The following CD80 variants were observed in gnomAD, a reference collection of about 807,000 sequenced individuals.
CD80 encodes CD80 molecule.
A neutral mutation model predicts 27.1 loss-of-function variants in CD80; 13 were observed. That is an observed-to-expected ratio of 0.48 (90% CI 0.31 to 0.76). CD80 has a LOEUF of 0.76. CD80 is among the 30% of genes least tolerant of loss of function. CD80 has a pLI of 0.04. For missense variants in CD80, 277 were observed against 347.9 expected (o/e 0.80, Z 1.62); for synonymous variants, 125 against 125.5 (o/e 1.00, Z 0.03).
At chr3:119,542,958 C>A (rs892934342) in intron 3 of CD80, among the ~76,000 whole-genome samples, 1 of 152,192 alleles carries the variant, frequency 6.6e-6, no homozygotes, top group African/African-American at 2.4e-5. Flanking sequence ...GCTGGCACCA[C>A]CCAGATCAAT....
chr3:119,547,818 C>T (rs546524169), intron 2 of CD80, among the ~76,000 whole-genome samples: 11 of 152,198 alleles, frequency 7.2e-5, no homozygotes, highest in African/African-American at 2.6e-4. Flanking sequence ...AAGCAAATTG[C>T]CTTATTTTTC....
rs960224261 is a variant in CD80 at position 119,544,456 on chromosome 3, C to T, written c.418+94G>A. 29 of 1,069,312 alleles carry T rather than the reference C, an allele frequency of 2.7e-5. No homozygotes were observed. The African/African-American group carries it at 4.3e-4, about 16-fold the overall frequency. The allele number at this position is 1,069,312 out of a possible 1,614,324, so 66.2% of individuals were successfully genotyped here. A position where few individuals can be genotyped will look rare whatever the true frequency, so the allele number is the denominator to read the frequency against. On this transcript the variant is annotated intron_variant, in intron 3 of 6. Coordinates refer to ENST00000264246, the MANE Select transcript of CD80 (RefSeq NM_005191.4). ...AAGAAATGAAGTGAGATACATCCCT[C>T]TTTGGTAAAATTTTCACCTAAATCA... is the stretch of plus-strand genomic sequence containing the variant.
intron 3 of CD80, among the ~76,000 whole-genome samples, chr3:119,543,887 CTTTTTTTT>C (rs71619749): frequency 2.0e-5 from 2 of 99,130 alleles, no homozygotes; most frequent in African/African-American, 4.4e-5. Flanking sequence ...CTCCATTGTT[CTTTTTTTT>C]TTTTTTTTTT....
intron 4 of CD80, among the ~76,000 whole-genome samples, chr3:119,534,949 T>C (rs1276393335): frequency 6.6e-6 from 1 of 152,150 alleles, no homozygotes; most frequent in African/African-American, 2.4e-5. Context: ...CTCCACACTT[T>C]GGGAGGCTGA....
chr3:119,559,334 T>C (rs1441815339), intron 1 of CD80, 106 bp downstream of exon 1: 1 of 152,190 alleles, frequency 6.6e-6, no homozygotes, highest in Non-Finnish European at 1.5e-5. Flanking sequence ...CAAGCCTGGA[T>C]CCAGGAGGTG....
At chr3:119,537,892 A>G (rs754113583) in intron 3 of CD80, among the ~76,000 whole-genome samples, 1 of 152,244 alleles carries the variant, frequency 6.6e-6, no homozygotes, top group African/African-American at 2.4e-5. Context: ...TCCAAAGACT[A>G]ACTTTGATTT....
chr3:119,535,525 G>A (rs929270833), intron 4 of CD80, among the ~76,000 whole-genome samples: 1 of 152,200 alleles, frequency 6.6e-6, no homozygotes, highest in Non-Finnish European at 1.5e-5. Context: ...CACCTTGTAA[G>A]CCATCTTAAG....
At chr3:119,544,892 A>G in intron 2 of CD80, 25 bp from the exon 3 acceptor site, 1 of 1,585,292 alleles carries the variant, frequency 6.3e-7, no homozygotes, top group South Asian at 1.1e-5. Flanking sequence ...ACAGAACAAG[A>G]TTGTATATTT....
intron 5 of CD80, among the ~76,000 whole-genome samples, chr3:119,528,858 G>C (rs995080077): frequency 0.012 from 1 of 86 alleles, no homozygotes; most frequent in Admixed American, 0.083. Flanking sequence ...CCTGGGAGGC[G>C]GAGGTGCAGT....
intron 4 of CD80, among the ~76,000 whole-genome samples, chr3:119,533,258 G>A (rs906983395): frequency 2.0e-5 from 3 of 152,188 alleles, no homozygotes; most frequent in East Asian, 1.9e-4. Context: ...GGTACAGAGC[G>A]GTGTGAGGGC....
chr3:119,528,111 G>C (rs1032126697), intron 5 of CD80, among the ~76,000 whole-genome samples: 2 of 152,128 alleles, frequency 1.3e-5, no homozygotes, highest in Non-Finnish European at 2.9e-5. Flanking sequence ...ACATCCTACA[G>C]TGCACAGAAC....
chr3:119,536,144 G>A (rs928038332), intron 4 of CD80, among the ~76,000 whole-genome samples: 30 of 151,962 alleles, frequency 2.0e-4, no homozygotes, highest in African/African-American at 5.1e-4. Flanking sequence ...CCAGCTATTC[G>A]GGAGGCTGAG....
intron 1 of CD80, among the ~76,000 whole-genome samples, chr3:119,558,935 T>C (rs2082278414): frequency 6.6e-6 from 1 of 152,174 alleles, no homozygotes; most frequent in Admixed American, 6.5e-5. Context: ...TGCTTGAGTG[T>C]CCTCTTTGGA....
At chr3:119,533,224 C>T (rs1274540318) in intron 4 of CD80, among the ~76,000 whole-genome samples, 1 of 152,198 alleles carries the variant, frequency 6.6e-6, no homozygotes, top group African/African-American at 2.4e-5. Context: ...GGTAACATCC[C>T]ACAGGGGCAG....
intron 4 of CD80, among the ~76,000 whole-genome samples, chr3:119,536,034 G>A (rs1269142328): frequency 6.6e-6 from 1 of 151,792 alleles, no homozygotes; most frequent in Non-Finnish European, 1.5e-5. Context: ...GGCGGATCAC[G>A]AGGTCAGGAG....
At chr3:119,552,590 T>C (rs946267770) in intron 2 of CD80, among the ~76,000 whole-genome samples, 18 of 151,004 alleles carry the variant, frequency 1.2e-4, no homozygotes, top group Admixed American at 8.6e-4. Flanking sequence ...CCCAGCACTT[T>C]GGGAGCTGGC....
At chr3:119,549,298 G>T (rs1301450120) in intron 2 of CD80, among the ~76,000 whole-genome samples, 1 of 152,114 alleles carries the variant, frequency 6.6e-6, no homozygotes, top group Non-Finnish European at 1.5e-5. Flanking sequence ...CATCCACATA[G>T]CCAAGAAATA....
intron 5 of CD80, among the ~76,000 whole-genome samples, chr3:119,529,098 C>T (rs1185360371): frequency 1.3e-5 from 2 of 151,844 alleles, no homozygotes; most frequent in African/African-American, 2.4e-5. Flanking sequence ...TACAGGTGCA[C>T]GCCACCATGC....
chr3:119,558,878 A>C (rs2082278261), intron 1 of CD80, among the ~76,000 whole-genome samples: 1 of 151,914 alleles, frequency 6.6e-6, no homozygotes, highest in African/African-American at 2.4e-5. Context: ...CTCCACTGTC[A>C]CCCCTTCAGG....
Sources: gnomAD v4.1 joint callset for allele counts (sites outside exome capture counted in the v4.1 genomes callset) on GRCh38, gnomAD v4.1.1 for gene constraint, MANE v1.5 for transcripts, NCBI Gene and HGNC (gene_info 2026-07-23, HGNC 2026-07-21) for gene names.